Variants in ASAP2 observed in about 807,000 individuals in gnomAD.
ASAP2 encodes the protein ArfGAP with SH3 domain, ankyrin repeat and PH domain 2, also known as arf-GAP with SH3 domain, ANK repeat and PH domain-containing protein 2.
ASAP2 carries 45 observed loss-of-function variants against 131.4 expected under a neutral mutation model. The ratio of observed to expected loss-of-function variants is 0.34; its 90% CI spans 0.27 to 0.44. The LOEUF is 0.44. Among genes scored for constraint, ASAP2 ranks in the 20% least tolerant of loss-of-function variants. ASAP2 has a pLI of 1.00. For missense variants in ASAP2, 1,011 were observed against 1,297.0 expected (o/e 0.78, Z 3.39); for synonymous variants, 510 against 503.0 (o/e 1.01, Z -0.19).
intron 3 of ASAP2, among the ~76,000 whole-genome samples, chr2:9,305,835 T>C (rs999661053): frequency 5.9e-5 from 8 of 135,586 alleles, no homozygotes; most frequent in African/African-American, 2.2e-4. Flanking sequence ...GGAGGGGCTG[T>C]AATAGTGGGG....
At chr2:9,357,090 C>T (rs1218916721) in intron 14 of ASAP2, among the ~76,000 whole-genome samples, 2 of 151,460 alleles carry the variant, frequency 1.3e-5, no homozygotes, top group Non-Finnish European at 2.9e-5. Flanking sequence ...CTTAAAAAAC[C>T]AAACACAACC....
At chr2:9,221,172 A>G (rs1662387898) in intron 1 of ASAP2, among the ~76,000 whole-genome samples, 1 of 152,116 alleles carries the variant, frequency 6.6e-6, no homozygotes, top group African/African-American at 2.4e-5. Context: ...TTTAGGATCA[A>G]CTTTTCAATT....
chr2:9,216,453 A>ATTTTTTTTTTTT (rs999787414), intron 1 of ASAP2, among the ~76,000 whole-genome samples: 1 of 85,420 alleles, frequency 1.2e-5, no homozygotes, highest in Non-Finnish European at 2.3e-5. Flanking sequence ...TGCCTGTTTA[A>ATTTTTTTTTTTT]TTTTTTTTTT....
intron 3 of ASAP2, among the ~76,000 whole-genome samples, chr2:9,298,919 C>T (rs1668320585): frequency 6.6e-6 from 1 of 152,078 alleles, no homozygotes; most frequent in Non-Finnish European, 1.5e-5. Context: ...GACTGGGATG[C>T]AGCATGCTAT....
Position 9,215,708 on chromosome 2 carries a change from G to C in ASAP2, c.126+8478G>C, listed in dbSNP as rs1018420634. 1.7e-4 allele frequency among the ~76,000 whole-genome samples: 23 copies of C among 137,924 alleles called. No homozygotes were observed. In the East Asian group the frequency reaches 4.7e-3, roughly 28 times the overall value. 90.5% of individuals were successfully genotyped at this position (137,924 alleles called of 152,430 possible). A position where few individuals can be genotyped will look rare whatever the true frequency, so the allele number is the denominator to read the frequency against. ...GAGTGATGGATTCTTTAACCACTCTGTTTGTTAAATATAATTATTATATTT... is the reference window on the plus strand; with the variant it reads ...GAGTGATGGATTCTTTAACCACTCTCTTTGTTAAATATAATTATTATATTT... On this transcript the variant is annotated intron_variant, in intron 1 of 27. Transcript: ENST00000281419.
In ASAP2 at chr2:9,311,428, A is replaced by G. The variant is rs1305817284; in HGVS notation, c.346-7096A>G. ...TTAATAGCAGTGATTAAGATTAATA[A>G]TTTGTATTCAGGTTGCACTCGATGT... is the stretch of plus-strand genomic sequence containing the variant. On this transcript the variant is annotated intron_variant, in intron 3 of 27. Coordinates refer to ENST00000281419, the MANE Select transcript of ASAP2 (RefSeq NM_003887.3). This position sits in a 1 kb window ranked among gnomAD's most constrained non-coding sequence, Gnocchi z 5.2. Among the ~76,000 whole-genome samples, 2 of 152,158 alleles carry G rather than the reference A, an allele frequency of 1.3e-5. No individual in the cohort carries two copies. The highest frequency in any genetic ancestry group is 2.4e-5 in the African/African-American group (1 of 41,432).
intron 15 of ASAP2, among the ~76,000 whole-genome samples, chr2:9,365,373 G>A (rs1399004624): frequency 6.6e-6 from 1 of 152,202 alleles, no homozygotes; most frequent in Non-Finnish European, 1.5e-5. Flanking sequence ...AGCGGTCAGG[G>A]AAGTCTGGTT....
At chr2:9,227,165 C>G (rs1662832769) in intron 1 of ASAP2, among the ~76,000 whole-genome samples, 1 of 152,194 alleles carries the variant, frequency 6.6e-6, no homozygotes, top group African/African-American at 2.4e-5. Context: ...TCACTAGCAG[C>G]CTCCATTATC....
intron 23 of ASAP2, among the ~76,000 whole-genome samples, chr2:9,393,181 A>G (rs1675852731): frequency 6.6e-6 from 1 of 152,274 alleles, no homozygotes; most frequent in Non-Finnish European, 1.5e-5. Flanking sequence ...CTTTGAGTGG[A>G]GAGCAGGAAA....
intron 3 of ASAP2, among the ~76,000 whole-genome samples, chr2:9,317,622 ACC>A (rs1392627109): frequency 6.6e-6 from 1 of 150,808 alleles, no homozygotes; most frequent in African/African-American, 2.4e-5. Context: ...CCACAATCAC[ACC>A]CACACACACC....
intron 6 of ASAP2, among the ~76,000 whole-genome samples, chr2:9,324,717 CA>C (rs1670371671): frequency 6.6e-6 from 1 of 152,318 alleles, no homozygotes; most frequent in South Asian, 2.1e-4. Context: ...ACCCAGTTTC[CA>C]ACATGTGAAC....
At chr2:9,398,635 C>G (rs1676376601) in intron 24 of ASAP2, among the ~76,000 whole-genome samples, 1 of 151,972 alleles carries the variant, frequency 6.6e-6, no homozygotes, top group African/African-American at 2.4e-5. Flanking sequence ...TGGTGAAACC[C>G]CGTCTCTACT....
intron 11 of ASAP2, among the ~76,000 whole-genome samples, chr2:9,349,769 C>T (rs1160476854): frequency 1.3e-5 from 2 of 152,224 alleles, no homozygotes; most frequent in Non-Finnish European, 2.9e-5. Flanking sequence ...CTCTCCCACC[C>T]TAACTCTGTA....
At chr2:9,312,225 A>G (rs1669348192) in intron 3 of ASAP2, among the ~76,000 whole-genome samples, 1 of 152,114 alleles carries the variant, frequency 6.6e-6, no homozygotes, top group African/African-American at 2.4e-5. Flanking sequence ...CTACTTTTCA[A>G]TCTCTATTAT....
intron 15 of ASAP2, among the ~76,000 whole-genome samples, chr2:9,359,773 G>A (rs940708871): frequency 2.0e-5 from 3 of 152,176 alleles, no homozygotes; most frequent in Non-Finnish European, 2.9e-5. Context: ...TCTGAACTTC[G>A]AATGCATTTT....
intron 6 of ASAP2, among the ~76,000 whole-genome samples, chr2:9,324,083 G>A (rs557985835): frequency 3.9e-5 from 6 of 152,330 alleles, no homozygotes; most frequent in African/African-American, 9.6e-5. Context: ...TGTACACAAT[G>A]TGTGGGTGAT....
intron 3 of ASAP2, among the ~76,000 whole-genome samples, chr2:9,315,847 G>T (rs1012859883): frequency 6.6e-6 from 1 of 152,178 alleles, no homozygotes; most frequent in Non-Finnish European, 1.5e-5. Flanking sequence ...TTGTACCTTG[G>T]AGGAAGGCCA....
At chr2:9,402,696 C>T (rs1676841845) in intron 27 of ASAP2, among the ~76,000 whole-genome samples, 1 of 152,180 alleles carries the variant, frequency 6.6e-6, no homozygotes, top group Non-Finnish European at 1.5e-5. Flanking sequence ...ACAAAAAGCC[C>T]ACCATTCATA....
chr2:9,366,439 C>T (rs1199445434), intron 15 of ASAP2, among the ~76,000 whole-genome samples: 1 of 152,176 alleles, frequency 6.6e-6, no homozygotes, highest in Non-Finnish European at 1.5e-5. Context: ...TTGTGCTCAC[C>T]TGGGGACAGT....
Sources: gnomAD v4.1 joint callset for allele counts (sites outside exome capture counted in the v4.1 genomes callset) on GRCh38, gnomAD v4.1.1 for gene constraint, Gnocchi (gnomAD v3.1) non-coding constraint, MANE v1.5 for transcripts, NCBI Gene and HGNC (gene_info 2026-07-23, HGNC 2026-07-21) for gene names.